NEGR1: variants seen among roughly 807,000 people sequenced by gnomAD.
NEGR1 encodes IgLON family member 4.
A neutral mutation model predicts 40.9 loss-of-function variants in NEGR1; 10 were observed. The observed-to-expected ratio is 0.24, with a 90% CI of 0.15 to 0.42. NEGR1 has a LOEUF of 0.42. Among genes scored for constraint, NEGR1 ranks in the 10% least tolerant of loss-of-function variants. The probability of loss-of-function intolerance (pLI) is 1.00; values close to 1 mark genes in which losing one functional copy is unlikely to be tolerated. For missense variants in NEGR1, 352 were observed against 438.9 expected (o/e 0.80, Z 1.77); for synonymous variants, 185 against 166.8 (o/e 1.11, Z -0.84).
At chr1:71,670,215 A>G (rs551389298) in intron 4 of NEGR1, among the ~76,000 whole-genome samples, 14 of 152,092 alleles carry the variant, frequency 9.2e-5, no homozygotes, top group Non-Finnish European at 1.8e-4. Flanking sequence ...TCTTATAGGG[A>G]ATATACAGTT....
chr1:72,044,601 A>G (rs1222933385), intron 1 of NEGR1, among the ~76,000 whole-genome samples: 2 of 151,772 alleles, frequency 1.3e-5, no homozygotes, highest in Admixed American at 6.6e-5. Context: ...AAAGTATCGC[A>G]CTGACAAACC....
chr1:71,910,732 C>G (rs1661401594), intron 2 of NEGR1, among the ~76,000 whole-genome samples: 1 of 152,142 alleles, frequency 6.6e-6, no homozygotes, highest in African/African-American at 2.4e-5. Context: ...GAGTCTCACT[C>G]TGTTGCCCAG....
intron 6 of NEGR1, among the ~76,000 whole-genome samples, chr1:71,553,788 C>T (rs1445149421): frequency 2.0e-5 from 3 of 151,516 alleles, no homozygotes; most frequent in African/African-American, 7.3e-5. Context: ...AAGTAATTTG[C>T]TATTTGCCTA....
chr1:71,790,450 G>A (rs976694992), intron 2 of NEGR1, among the ~76,000 whole-genome samples: 1 of 152,062 alleles, frequency 6.6e-6, no homozygotes, highest in African/African-American at 2.4e-5. Context: ...TTAGACGCCA[G>A]ACAGAATAGT....
At chr1:71,672,650 T>C (rs1033160172) in intron 4 of NEGR1, among the ~76,000 whole-genome samples, 2 of 152,162 alleles carry the variant, frequency 1.3e-5, no homozygotes, top group African/African-American at 4.8e-5. Context: ...AGGGAAACAG[T>C]GCTCAATGTT....
chr1:71,550,893 C>T (rs895796055), intron 6 of NEGR1, among the ~76,000 whole-genome samples: 16 of 151,664 alleles, frequency 1.1e-4, no homozygotes, highest in African/African-American at 3.1e-4. Flanking sequence ...ATAAGCCCTA[C>T]GTATTCACTA....
intron 5 of NEGR1, among the ~76,000 whole-genome samples, chr1:71,604,520 G>C (rs779964720): frequency 1.3e-5 from 2 of 152,024 alleles, no homozygotes; most frequent in East Asian, 3.9e-4. Flanking sequence ...TAAATATTTA[G>C]AATAGAAAAG....
chr1:71,924,276 G>C (rs554288024), intron 2 of NEGR1, among the ~76,000 whole-genome samples: 2 of 152,234 alleles, frequency 1.3e-5, no homozygotes, highest in South Asian at 4.2e-4. Context: ...TACCACAAGG[G>C]GTAATGAATG....
intron 1 of NEGR1, among the ~76,000 whole-genome samples, chr1:72,151,767 T>C (rs936132064): frequency 2.2e-4 from 34 of 151,682 alleles, no homozygotes; most frequent in African/African-American, 8.0e-4. Context: ...ATCAAGCAAA[T>C]CATAAAAATT....
intron 2 of NEGR1, among the ~76,000 whole-genome samples, chr1:71,868,429 A>G (rs1353514941): frequency 7.1e-6 from 1 of 141,504 alleles, no homozygotes; most frequent in Non-Finnish European, 1.5e-5. Context: ...AAATAGATAG[A>G]TGATAGAAGA....
At chr1:71,897,688 G>T (rs764749205) in intron 2 of NEGR1, among the ~76,000 whole-genome samples, 1 of 152,104 alleles carries the variant, frequency 6.6e-6, no homozygotes, top group Non-Finnish European at 1.5e-5. Flanking sequence ...AAATCAAGAT[G>T]ATTCCACAAT....
chr1:71,533,876 T>C (rs907692261), intron 6 of NEGR1, among the ~76,000 whole-genome samples: 8 of 151,622 alleles, frequency 5.3e-5, no homozygotes, highest in African/African-American at 1.7e-4. Context: ...CAGAAAAACA[T>C]TGCATTTTTG....
At position 71,601,122 on chromosome 1, in the gene NEGR1, T is replaced by A. The variant is rs373015394; in HGVS notation, c.789-8154A>T. On this transcript the variant is annotated intron_variant, in intron 5 of 6. Transcript: ENST00000357731. The stretch of plus-strand genomic sequence containing the variant: ...TGCTTTTTAACTGCATATCTAATAC[T>A]CTAAGCCATATTTTAACTTTCCCAT... 3.7e-4 allele frequency among the ~76,000 whole-genome samples: 56 copies of A among 152,336 alleles called. 2 individuals are homozygous for A. In the South Asian group the frequency reaches 0.011, roughly 30 times the overall value.
chr1:71,704,436 C>G (rs1332714337), intron 3 of NEGR1, among the ~76,000 whole-genome samples: 1 of 151,574 alleles, frequency 6.6e-6, no homozygotes, highest in Non-Finnish European at 1.5e-5. Context: ...ACACAAGTTA[C>G]CAATTATCAG....
chr1:71,754,249 C>T lies in NEGR1; in HGVS notation c.535+21923G>A, dbSNP rs141050438. ...TGCTCTCTGTGTTGGTCAAACAGAGCGCCTCACTGAAGACCTCTACATCGT... is the reference window on the plus strand; with the variant it reads ...TGCTCTCTGTGTTGGTCAAACAGAGTGCCTCACTGAAGACCTCTACATCGT... On this transcript the variant is annotated intron_variant, in intron 3 of 6. Coordinates refer to ENST00000357731, the MANE Select transcript of NEGR1 (RefSeq NM_173808.3). 6.2e-3 allele frequency among the ~76,000 whole-genome samples: 944 copies of T among 152,126 alleles called. 8 individuals are homozygous for T. Among genetic ancestry groups the T allele is most frequent in the African/African-American group, 0.018 (766 of 41,496 alleles).
chr1:71,575,715 A>G (rs113527716), intron 6 of NEGR1, among the ~76,000 whole-genome samples: 16,061 of 152,168 alleles, frequency 0.11, 1,166 homozygotes, highest in Middle Eastern at 0.19. Context: ...CCCGGGAGGC[A>G]GAGGTTGCAG....
chr1:71,977,824 A>AAC (rs1279814926), intron 1 of NEGR1, among the ~76,000 whole-genome samples: 2 of 150,362 alleles, frequency 1.3e-5, no homozygotes, highest in African/African-American at 4.9e-5. Flanking sequence ...CGCAAAACAA[A>AAC]AAAAAAAAAG....
At chr1:72,171,549 T>G (rs968759184) in intron 1 of NEGR1, among the ~76,000 whole-genome samples, 2 of 152,192 alleles carry the variant, frequency 1.3e-5, no homozygotes, top group Non-Finnish European at 2.9e-5. Flanking sequence ...TATTTTTCGC[T>G]GTGAGTTCTT....
intron 1 of NEGR1, among the ~76,000 whole-genome samples, chr1:72,261,970 A>ATC (rs1224095292): frequency 6.6e-6 from 1 of 152,070 alleles, no homozygotes; most frequent in Non-Finnish European, 1.5e-5. Flanking sequence ...ATTACACAGT[A>ATC]TCTCTATGTA....
Sources: allele counts gnomAD v4.1 joint callset (sites outside exome capture counted in the v4.1 genomes callset), GRCh38; gene constraint gnomAD v4.1.1; transcripts MANE v1.5; gene names NCBI Gene and HGNC (gene_info 2026-07-23, HGNC 2026-07-21).